Variants in SCD5 observed in about 807,000 individuals in gnomAD.
SCD5 encodes stearoyl-CoA desaturase 5, also known as acyl-CoA-desaturase 4.
SCD5 carries 20 observed loss-of-function variants against 30.4 expected under a neutral mutation model. The ratio of observed to expected loss-of-function variants is 0.66; its 90% CI spans 0.46 to 0.96. The LOEUF (loss-of-function observed/expected upper bound fraction) is 0.96. Ranked by LOEUF, SCD5 falls within the 40% of genes least tolerant of loss-of-function variation. The probability of loss-of-function intolerance (pLI) is 0.00; values close to 1 mark genes in which losing one functional copy is unlikely to be tolerated. For synonymous variants in SCD5, 173 were observed against 176.4 expected (o/e 0.98, Z 0.16); for missense variants, 381 against 443.3 (o/e 0.86, Z 1.26).
chr4:82,649,522 C>T (rs1727702358), intron 3 of SCD5, among the ~76,000 whole-genome samples: 1 of 152,206 alleles, frequency 6.6e-6, no homozygotes, highest in South Asian at 2.1e-4. Flanking sequence ...GGGCCTTGCT[C>T]CATCCTGTGT....
intron 1 of SCD5, among the ~76,000 whole-genome samples, chr4:82,755,905 A>C (rs1156473880): frequency 6.6e-6 from 1 of 152,216 alleles, no homozygotes; most frequent in African/African-American, 2.4e-5. Context: ...TCTGCCATCC[A>C]GTCAGTGGAC....
chr4:82,673,400 A>C (rs1285928334), intron 3 of SCD5, among the ~76,000 whole-genome samples: 1 of 152,196 alleles, frequency 6.6e-6, no homozygotes, highest in Non-Finnish European at 1.5e-5. Context: ...TTAAAAACAC[A>C]ATACCATTTA....
chr4:82,669,920 G>T (rs1249940702), intron 3 of SCD5, among the ~76,000 whole-genome samples: 3 of 152,070 alleles, frequency 2.0e-5, no homozygotes, highest in African/African-American at 7.2e-5. Context: ...CCTAAATGAG[G>T]AGAGAAGAAA....
chr4:82,780,453 A>G (rs1467071865), intron 1 of SCD5, among the ~76,000 whole-genome samples: 3 of 152,208 alleles, frequency 2.0e-5, no homozygotes, highest in Non-Finnish European at 4.4e-5. Context: ...GCCCATGTCC[A>G]CAAATGTGTG....
At chr4:82,651,949 A>T (rs764262685) in intron 3 of SCD5, among the ~76,000 whole-genome samples, 34 of 152,292 alleles carry the variant, frequency 2.2e-4, no homozygotes, top group Admixed American at 5.2e-4. Flanking sequence ...TTGGCTAGGT[A>T]AAAAACAATA....
At chr4:82,649,805 G>A (rs1192567730) in intron 3 of SCD5, among the ~76,000 whole-genome samples, 2 of 152,192 alleles carry the variant, frequency 1.3e-5, no homozygotes, top group Non-Finnish European at 2.9e-5. Flanking sequence ...TGGGTCTCCT[G>A]TTGAAACATC....
intron 4 of SCD5, 30 bp downstream of exon 4, chr4:82,636,561 T>G (rs903228011): frequency 4.5e-6 from 7 of 1,558,284 alleles, no homozygotes; most frequent in Non-Finnish European, 6.1e-6. Context: ...GCCACCATTC[T>G]CCCCATTGGC....
At chr4:82,661,846 G>A (rs1358856433) in intron 3 of SCD5, among the ~76,000 whole-genome samples, 2 of 152,132 alleles carry the variant, frequency 1.3e-5, no homozygotes, top group East Asian at 1.9e-4. Context: ...TGAGAAATAC[G>A]CAACACACCC....
chr4:82,748,837 C>A (rs574383830), intron 1 of SCD5, among the ~76,000 whole-genome samples: 1 of 152,280 alleles, frequency 6.6e-6, no homozygotes, highest in African/African-American at 2.4e-5. Flanking sequence ...GTGGAAAAGG[C>A]CAGGGGAAAG....
chr4:82,774,088 CAAA>C (rs61709785), intron 1 of SCD5, among the ~76,000 whole-genome samples: 21 of 91,526 alleles, frequency 2.3e-4, no homozygotes, highest in South Asian at 3.7e-4. Context: ...GACTCCATCT[CAAA>C]AAAAAAAAAA....
At chr4:82,777,809 C>G (rs1468120726) in intron 1 of SCD5, among the ~76,000 whole-genome samples, 1 of 151,994 alleles carries the variant, frequency 6.6e-6, no homozygotes. Context: ...TGTTTAAAAC[C>G]AAAACAAAAC....
At chr4:82,716,064 G>GA (rs33954608) in intron 1 of SCD5, among the ~76,000 whole-genome samples, 35,144 of 151,820 alleles carry the variant, frequency 0.23, 4,740 homozygotes, top group Middle Eastern at 0.35. Context: ...AAGCCCTTGA[G>GA]AAAAAACTAT....
intron 3 of SCD5, among the ~76,000 whole-genome samples, chr4:82,645,579 T>G (rs1727620630): frequency 6.6e-6 from 1 of 152,134 alleles, no homozygotes; most frequent in South Asian, 2.1e-4. Flanking sequence ...CCCTCTCAAA[T>G]TCTCATCGCA....
At chr4:82,661,213 A>G (rs1047465992) in intron 3 of SCD5, 1 of 744,588 alleles carries the variant, frequency 1.3e-6, no homozygotes, top group East Asian at 2.5e-5. Flanking sequence ...CCCTTGACAC[A>G]CTCAATAGGA....
At chr4:82,774,976 CG>C (rs1268208553) in intron 1 of SCD5, among the ~76,000 whole-genome samples, 10 of 152,178 alleles carry the variant, frequency 6.6e-5, no homozygotes, top group Non-Finnish European at 1.0e-4. Context: ...CTCTCTGCAG[CG>C]GCCAGTCTTT....
intron 3 of SCD5, among the ~76,000 whole-genome samples, chr4:82,658,911 ACCAGCT>A (rs1049320780): frequency 6.6e-6 from 1 of 152,104 alleles, no homozygotes; most frequent in African/African-American, 2.4e-5. Flanking sequence ...AAGGAATGGT[ACCAGCT>A]CCTCTTTTTA....
At chr4:82,773,054 T>C (rs1480834951) in intron 1 of SCD5, among the ~76,000 whole-genome samples, 2 of 152,252 alleles carry the variant, frequency 1.3e-5, no homozygotes, top group East Asian at 3.9e-4. Flanking sequence ...GGAGCACTGA[T>C]GTTTTTCATT....
At chr4:82,722,883 C>T (rs1341167466) in intron 1 of SCD5, among the ~76,000 whole-genome samples, 7 of 151,956 alleles carry the variant, frequency 4.6e-5, no homozygotes, top group Non-Finnish European at 7.4e-5. Flanking sequence ...GCTTCGCCAA[C>T]GTAGTGAAAC....
chr4:82,637,455 G>A (rs1727457216), intron 3 of SCD5, among the ~76,000 whole-genome samples: 2 of 152,228 alleles, frequency 1.3e-5, no homozygotes, highest in Admixed American at 6.5e-5. Flanking sequence ...TATGTACCCA[G>A]CAAACATTTA....
Sources: gnomAD v4.1 joint callset for allele counts (sites outside exome capture counted in the v4.1 genomes callset) on GRCh38, gnomAD v4.1.1 for gene constraint, MANE v1.5 for transcripts, NCBI Gene and HGNC (gene_info 2026-07-23, HGNC 2026-07-21) for gene names.